Variants in VSIG2 observed in about 807,000 individuals in gnomAD.
VSIG2 encodes the protein V-set and immunoglobulin domain containing 2.
In VSIG2, 30 loss-of-function variants were observed where a neutral mutation model predicts 29.4. The observed-to-expected ratio is 1.02, with a 90% CI of 0.76 to 1.38. The LOEUF is 1.38. Ranked by LOEUF, VSIG2 falls within the 40% of genes most tolerant of loss-of-function variation. The pLI is 0.00. For synonymous variants in VSIG2, 178 were observed against 174.2 expected, an observed-to-expected ratio of 1.02 and a Z score of -0.17; for missense variants, 421 against 400.8, an observed-to-expected ratio of 1.05 and a Z score of -0.43.
rs199999004 is a variant in VSIG2, at chr11:124,750,921, T to G, written c.220A>C (p.Ile74Leu). 6.2e-7 allele frequency: 1 copy of G among 1,613,866 alleles called. No individual in the cohort carries two copies. The highest frequency in any genetic ancestry group is 1.3e-5 in the African/African-American group (1 of 74,974). ...PGKPISESHP[I>L]LYFTNGHLYP... ...AGATGGCCATTGGTGAAGTACAGGA[T>G]CTGGGGAGAGGCAGAAGACACACAT... The change falls in exon 3 of 7, where the codon ATC (isoleucine) becomes CTC (leucine). Residue 74 changes from isoleucine (I) to leucine (L), a missense_variant and splice_region_variant. Coordinates refer to ENST00000326621, the MANE Select transcript of VSIG2 (RefSeq NM_014312.5).
In VSIG2 at chr11:124,749,908, C is replaced by T. The variant is rs767334277; in HGVS notation, c.428-42G>A. The T allele has an allele frequency of 1.1e-5, 15 of 1,398,538 alleles. 1 individual carries two copies. The South Asian group carries it at 1.8e-4, about 17-fold the overall frequency. The allele number at this position is 1,398,538 out of a possible 1,614,324, so 86.6% of individuals were successfully genotyped here. A position where few individuals can be genotyped will look rare whatever the true frequency, so the allele number is the denominator to read the frequency against. On this transcript the variant is annotated intron_variant, in intron 3 of 6. Coordinates refer to ENST00000326621, the MANE Select transcript of VSIG2 (RefSeq NM_014312.5). ...AAAAAAAAAAAAACAGAAAGTTCCT[C>T]AGCAATCTTCCAGCCCCACTCCCAA...
At chr11:124,748,620 C>T in intron 5 of VSIG2, 24 bp downstream of exon 5, 1 of 1,609,106 alleles carries the variant, frequency 6.2e-7, no homozygotes, top group African/African-American at 1.3e-5. Context: ...GGCTGCTGGC[C>T]TGGCCTCCAC....
chr11:124,750,230 A>G (rs976627405), intron 3 of VSIG2, among the ~76,000 whole-genome samples: 1 of 152,196 alleles, frequency 6.6e-6, no homozygotes, highest in African/African-American at 2.4e-5. Flanking sequence ...TCTCTTTTCC[A>G]TCTAAACACT....
In VSIG2 at chr11:124,748,371, C is replaced by T. The variant is rs557673050; in HGVS notation, c.851+19G>A. 1 of 1,591,856 alleles carries T rather than the reference C, an allele frequency of 6.3e-7. No individual in the cohort carries two copies. The highest frequency in any genetic ancestry group is 1.1e-5 in the South Asian group (1 of 87,318). Reference sequence around the variant, plus strand: ...CCCTTTCCTCCCTCCTTGCGCCACCCCCCAGCCCTCCTGCTCACCGAAGGT... The same window carrying T: ...CCCTTTCCTCCCTCCTTGCGCCACCTCCCAGCCCTCCTGCTCACCGAAGGT... On this transcript the variant is annotated intron_variant, in intron 6 of 6. Transcript: ENST00000326621.
chr11:124,747,527 G>A lies in VSIG2; in HGVS notation c.*8C>T. On this transcript the variant is annotated 3_prime_UTR_variant, in exon 7 of 7. Transcript: ENST00000326621. ...TTCCCCCTCACCGCCCTCAGGGATC[G>A]GGAGAAGTCACACGACCATAGGGAG... The A allele has an allele frequency of 6.2e-7, 1 of 1,603,264 alleles. No individual in the cohort carries two copies. The highest frequency in any genetic ancestry group is 8.5e-7 in the Non-Finnish European group (1 of 1,175,366).
rs1184315354 is a variant in VSIG2 at position 124,750,784 on chromosome 11, G to A, written c.357C>T (p.Tyr119=). The change falls in exon 3 of 7, where the codon TAC becomes TAT. Residue 119 remains tyrosine (Y), a synonymous_variant. Transcript: ENST00000326621. ...TDVHPSDTGT[Y]LCQVNNPPDF... is the part of the protein sequence containing the mutation. Reference sequence around the variant, plus strand: ...CTGGTGGGTTGTTGACTTGGCAGAGGTAGGTTCCAGTATCTGAGGGGTGGA... The same window carrying A: ...CTGGTGGGTTGTTGACTTGGCAGAGATAGGTTCCAGTATCTGAGGGGTGGA... 1.9e-6 allele frequency: 3 copies of A among 1,614,008 alleles called. No homozygotes were observed. The Admixed American group carries it at 5.0e-5, about 27-fold the overall frequency.
At chr11:124,750,260 T>C (rs1231956116) in intron 3 of VSIG2, among the ~76,000 whole-genome samples, 1 of 152,244 alleles carries the variant, frequency 6.6e-6, no homozygotes, top group East Asian at 1.9e-4. Flanking sequence ...TGTGATAGTT[T>C]TTCTGGTTGC....
In VSIG2 at chr11:124,749,885, A is replaced by AAAAAAAC. The variant is rs1555108854; in HGVS notation, c.428-20_428-19insGTTTTTT. On this transcript the variant is annotated intron_variant, in intron 3 of 6. Coordinates refer to ENST00000326621, the MANE Select transcript of VSIG2 (RefSeq NM_014312.5). ...GGGGGAACTGCAAAAAAAAAAAAAAAAAAAAAAAAACAGAAAGTTCCTCAG... is the reference window on the plus strand; with the variant it reads ...GGGGGAACTGCAAAAAAAAAAAAAAAAAAAAACAAAAAAAAAACAGAAAGTTCCTCAG... 73 of 1,419,062 alleles carry AAAAAAAC rather than the reference A, an allele frequency of 5.1e-5. No individual in the cohort carries two copies. Among genetic ancestry groups the AAAAAAAC allele is most frequent in the Non-Finnish European group, 5.5e-5 (59 of 1,079,004 alleles). 87.9% of individuals were successfully genotyped at this position (1,419,062 alleles called of 1,614,324 possible).
intron 1 of VSIG2, 69 bp downstream of exon 1, chr11:124,752,008 C>T (rs1315961713): frequency 6.8e-7 from 1 of 1,468,650 alleles, no homozygotes; most frequent in Non-Finnish European, 9.0e-7. Flanking sequence ...CAGAGTGGGT[C>T]CGAGGAGCCG....
Position 124,749,873 on chromosome 11 carries a change from A to AC in VSIG2, c.428-8_428-7insG. ...AAGGGATTACTGGGGGGAACTGCAA[A>AC]AAAAAAAAAAAAAAAAAAAAAACAG... On this transcript the variant is annotated splice_polypyrimidine_tract_variant and splice_region_variant and intron_variant, in intron 3 of 6. Coordinates refer to ENST00000326621, the MANE Select transcript of VSIG2 (RefSeq NM_014312.5). 8.9e-7 allele frequency: 1 copy of AC among 1,117,742 alleles called. No individual in the cohort carries two copies. 69.2% of individuals were successfully genotyped at this position (1,117,742 alleles called of 1,614,324 possible). A position where few individuals can be genotyped will look rare whatever the true frequency, so the allele number is the denominator to read the frequency against.
chr11:124,748,623 G>A, intron 5 of VSIG2, 21 bp downstream of exon 5: 1 of 1,609,596 alleles, frequency 6.2e-7, no homozygotes, highest in Non-Finnish European at 8.5e-7. Context: ...TGCTGGCCTG[G>A]CCTCCACCCA....
intron 6 of VSIG2, chr11:124,748,171 C>T: frequency 3.7e-6 from 2 of 541,248 alleles, no homozygotes; most frequent in Non-Finnish European, 6.4e-6. Context: ...AAACAGCTTC[C>T]CTGCCACAGC....
intron 6 of VSIG2, chr11:124,747,991 T>G (rs940373185): frequency 3.1e-5 from 11 of 359,960 alleles, no homozygotes; most frequent in Non-Finnish European, 4.5e-5. Flanking sequence ...TCCCCTCCCC[T>G]TTCCTGATTT....
rs558012787 is a variant in VSIG2, at chr11:124,750,595, C to G, written c.427+119G>C. Reference sequence around the variant, plus strand: ...GGAAAGGGAGTATTTTCACTTGGGGCCCCCAGTGCAGTTGTGTGCTTGGGC... The same window carrying G: ...GGAAAGGGAGTATTTTCACTTGGGGGCCCCAGTGCAGTTGTGTGCTTGGGC... On this transcript the variant is annotated intron_variant, in intron 3 of 6. Transcript: ENST00000326621. The G allele has an allele frequency of 3.8e-4, 409 of 1,089,780 alleles. 7 individuals carry two copies. In the South Asian group the frequency reaches 6.4e-3, roughly 17 times the overall value. 67.5% of individuals were successfully genotyped at this position (1,089,780 alleles called of 1,614,324 possible).
At chr11:124,747,744 C>T in intron 6 of VSIG2, 77 bp from the exon 7 acceptor site, 1 of 1,463,780 alleles carries the variant, frequency 6.8e-7, no homozygotes, top group Non-Finnish European at 9.3e-7. Flanking sequence ...CCTGGGGACT[C>T]TTAAATTTCA....
In VSIG2 at chr11:124,749,825, A is replaced by T; in HGVS notation, c.469T>A (p.Ser157Thr). ...CTCAGTGCAGTAGAGCCTCCCACAG[A>T]GGTTTGTCCACTCTGACTGCATAAG... ...NPLCSQSGQT[S>T]VGGSTALRCS... is the part of the protein sequence containing the mutation. Residue 157 changes from serine to threonine, a missense_variant, in exon 4 of 7, where the codon TCT (serine) becomes ACT (threonine). Physicochemically the swap from Ser to Thr is moderately conservative, Grantham distance 58 (BLOSUM62 1). Transcript: ENST00000326621. 1 of 1,457,254 alleles carries T rather than the reference A, an allele frequency of 6.9e-7. No individual in the cohort carries two copies. The highest frequency in any genetic ancestry group is 9.2e-7 in the Non-Finnish European group (1 of 1,085,206). The allele number at this position is 1,457,254 out of a possible 1,614,324, so 90.3% of individuals were successfully genotyped here.
intron 3 of VSIG2, among the ~76,000 whole-genome samples, chr11:124,750,203 A>T (rs1380583258): frequency 6.6e-6 from 1 of 152,222 alleles, no homozygotes; most frequent in African/African-American, 2.4e-5. Flanking sequence ...CAGCAGTAAT[A>T]CACCCATCCG....
chr11:124,750,778 G>A lies in VSIG2; in HGVS notation c.363C>T (p.Cys121=), dbSNP rs1247222288. The A allele has an allele frequency of 3.1e-6, 5 of 1,611,398 alleles. No individual in the cohort carries two copies. The Admixed American group carries it at 6.7e-5, about 22-fold the overall frequency. Residue 121 remains cysteine, a synonymous_variant, in exon 3 of 7, where the codon TGC becomes TGT. Transcript: ENST00000326621. Reference sequence around the variant, plus strand: ...AGAAATCTGGTGGGTTGTTGACTTGGCAGAGGTAGGTTCCAGTATCTGAGG... The same window carrying A: ...AGAAATCTGGTGGGTTGTTGACTTGACAGAGGTAGGTTCCAGTATCTGAGG... ...VHPSDTGTYL[C]QVNNPPDFYT...
rs766465269 is a variant in VSIG2 at position 124,749,895 on chromosome 11, A to ACAAAAAAAAAC, written c.428-30_428-29insGTTTTTTTTTG. On this transcript the variant is annotated intron_variant, in intron 3 of 6. Transcript: ENST00000326621. ...CAAAAAAAAAAAAAAAAAAAAAAAA[A>ACAAAAAAAAAC]CAGAAAGTTCCTCAGCAATCTTCCA... The ACAAAAAAAAAC allele has an allele frequency of 9.6e-4, 1,420 of 1,485,618 alleles. 8 individuals are homozygous for ACAAAAAAAAAC. In the East Asian group the frequency reaches 9.7e-3, roughly 10 times the overall value. 92.0% of individuals were successfully genotyped at this position (1,485,618 alleles called of 1,614,324 possible). A position where few individuals can be genotyped will look rare whatever the true frequency, so the allele number is the denominator to read the frequency against.
Sources: allele counts gnomAD v4.1 joint callset (sites outside exome capture counted in the v4.1 genomes callset), GRCh38; gene constraint gnomAD v4.1.1; transcripts MANE v1.5; gene names NCBI Gene and HGNC (gene_info 2026-07-23, HGNC 2026-07-21).